The following LOXL1 variants were observed in gnomAD, a reference collection of about 807,000 sequenced individuals.
The protein encoded by LOXL1 is lysyl oxidase homolog 1.
Under a neutral mutation model 62.2 loss-of-function variants are expected in LOXL1, and 31 were observed. That is an observed-to-expected ratio of 0.50 (90% CI 0.37 to 0.67). LOXL1 has a LOEUF of 0.67. Among genes scored for constraint, LOXL1 ranks in the 30% least tolerant of loss-of-function variants. The pLI, the probability that LOXL1 is intolerant of heterozygous loss-of-function variation, is 0.00. For synonymous variants in LOXL1, 403 were observed against 384.4 expected, an observed-to-expected ratio of 1.05 and a Z score of -0.56; for missense variants, 775 against 843.4, an observed-to-expected ratio of 0.92 and a Z score of 1.00.
rs759067104 is a variant in LOXL1 at position 73,927,410 on chromosome 15, C to T, written c.627C>T (p.Gly209=). Residue 209 remains glycine, a synonymous_variant, in exon 1 of 7, where the codon GGC becomes GGT. Transcript: ENST00000261921. ...DQGFVYYRPA[G]GGVGAGAAAV... is the part of the protein sequence containing the mutation. ...GTTTCGTGTACTACCGGCCCGCGGGCGGCGGCGTGGGCGCGGGGGCGGCGG... is the reference window on the plus strand; with the variant it reads ...GTTTCGTGTACTACCGGCCCGCGGGTGGCGGCGTGGGCGCGGGGGCGGCGG... 3.1e-5 allele frequency: 47 copies of T among 1,538,456 alleles called. No homozygotes were observed. The highest frequency in any genetic ancestry group is 2.6e-6 in the Non-Finnish European group (3 of 1,144,842).
intron 1 of LOXL1, among the ~76,000 whole-genome samples, chr15:73,931,327 G>C (rs1300275897): frequency 2.0e-5 from 3 of 151,992 alleles, no homozygotes; most frequent in Admixed American, 2.0e-4. Context: ...CCTCCTCCCT[G>C]GTCCCTTGCT....
chr15:73,935,841 G>A (rs1344960559), intron 1 of LOXL1, among the ~76,000 whole-genome samples: 1 of 152,092 alleles, frequency 6.6e-6, no homozygotes, highest in Non-Finnish European at 1.5e-5. Flanking sequence ...GGTGAGTGCT[G>A]TAAAAGGGTG....
rs909992651 is a variant in LOXL1 at position 73,926,465 on chromosome 15, C to G, written c.-319C>G. 7 of 281,454 alleles carry G rather than the reference C, an allele frequency of 2.5e-5. No homozygotes were observed. The highest frequency in any genetic ancestry group is 4.0e-5 in the Non-Finnish European group (6 of 151,568). 17.4% of individuals were successfully genotyped at this position (281,454 alleles called of 1,614,324 possible). A position where few individuals can be genotyped will look rare whatever the true frequency, so the allele number is the denominator to read the frequency against. On this transcript the variant is annotated 5_prime_UTR_variant, in exon 1 of 7. Transcript: ENST00000261921. ...GCTCCCAGCCTGTTGCTTATTCATT[C>G]AGAGTGGGAAAGCGCCAGCCGAGCG...
intron 1 of LOXL1, among the ~76,000 whole-genome samples, chr15:73,939,894 CG>C (rs2141630259): frequency 6.6e-6 from 1 of 152,216 alleles, no homozygotes; most frequent in East Asian, 1.9e-4. Flanking sequence ...CAGTTTCCTC[CG>C]GTGCTTCCAA....
At chr15:73,936,371 G>A (rs2068672323) in intron 1 of LOXL1, among the ~76,000 whole-genome samples, 1 of 152,142 alleles carries the variant, frequency 6.6e-6, no homozygotes, top group Non-Finnish European at 1.5e-5. Context: ...TAGGGAATCG[G>A]GCAGCCAGCT....
chr15:73,950,649 C>T (rs1296450145), intron 6 of LOXL1, among the ~76,000 whole-genome samples: 2 of 151,406 alleles, frequency 1.3e-5, no homozygotes, highest in Non-Finnish European at 2.9e-5. Context: ...AGAGTCAGGG[C>T]CCAGTGTGTA....
intron 1 of LOXL1, among the ~76,000 whole-genome samples, chr15:73,939,097 T>C (rs1008689124): frequency 6.6e-5 from 10 of 152,174 alleles, no homozygotes; most frequent in African/African-American, 2.4e-4. Context: ...CCTACACTGA[T>C]CGTGTCCACT....
intron 1 of LOXL1, among the ~76,000 whole-genome samples, chr15:73,940,657 C>T (rs2068707565): frequency 6.6e-6 from 1 of 152,084 alleles, no homozygotes; most frequent in African/African-American, 2.4e-5. Context: ...TCAGGGTGTG[C>T]CCAGGGCCAG....
At chr15:73,933,315 C>G (rs1405217900) in intron 1 of LOXL1, among the ~76,000 whole-genome samples, 4 of 152,200 alleles carry the variant, frequency 2.6e-5, no homozygotes, top group Admixed American at 2.6e-4. Context: ...ACTGTCCAAT[C>G]CAGTGGGCCC....
In LOXL1 at chr15:73,927,272, C is replaced by A. The variant is rs751982471; in HGVS notation, c.489C>A (p.Phe163Leu). The change falls in exon 1 of 7, where the codon TTC becomes TTA. Residue 163 changes from phenylalanine (F) to leucine (L), a missense_variant. By Grantham distance (22) the Phe-to-Leu change is conservative (BLOSUM62 0). Coordinates refer to ENST00000261921, the MANE Select transcript of LOXL1 (RefSeq NM_005576.4). ...GSASSVSASA[F>L]ASTYRQQPSY... The stretch of plus-strand genomic sequence containing the variant: ...CCTCCTCGGTCTCGGCTTCGGCCTT[C>A]GCCAGCACCTACCGCCAGCAGCCCT... 4.4e-6 allele frequency: 7 copies of A among 1,602,794 alleles called. No homozygotes were observed. The East Asian group carries it at 1.1e-4, about 26-fold the overall frequency.
intron 3 of LOXL1, 110 bp downstream of exon 3, chr15:73,946,664 G>A: frequency 7.7e-7 from 1 of 1,306,046 alleles, no homozygotes; most frequent in Non-Finnish European, 1.0e-6. Flanking sequence ...ACAGATACTG[G>A]ATTAGAGGGC....
At position 73,947,118 on chromosome 15, in the gene LOXL1, CA is replaced by C. The variant is rs2068753197; in HGVS notation, c.1402del (p.Thr468GlnfsTer37). On this transcript the variant is annotated frameshift_variant, in exon 4 of 7. Coordinates refer to ENST00000261921, the MANE Select transcript of LOXL1 (RefSeq NM_005576.4). LOFTEE classifies it high-confidence loss of function. ...GCCACTACGACCTACTGGATGCAGC[CA>C]CAGGCAAGAAGGTGGCCGAGGGCCA... is the stretch of plus-strand genomic sequence containing the variant. ...FSHYDLLDAATGKKVAEGHKA... is the reference protein window; with the variant it reads ...FSHYDLLDAAXGKKVAEGHKA... The C allele has an allele frequency of 6.2e-7, 1 of 1,613,502 alleles. No individual in the cohort carries two copies. Among genetic ancestry groups the C allele is most frequent in the Non-Finnish European group, 8.5e-7 (1 of 1,179,574 alleles).
intron 1 of LOXL1, among the ~76,000 whole-genome samples, chr15:73,935,934 GGTGTGTGT>G (rs3056338): frequency 8.6e-4 from 113 of 131,934 alleles, no homozygotes; most frequent in Admixed American, 3.4e-3. Flanking sequence ...AGGTAGAGCT[GGTGTGTGT>G]GTGTGTGTGT....
At chr15:73,950,279 C>A (rs1380729297) in intron 6 of LOXL1, among the ~76,000 whole-genome samples, 1 of 113,834 alleles carries the variant, frequency 8.8e-6, no homozygotes. Flanking sequence ...CAGATCGAAG[C>A]AACCCTTTTC....
rs778813179 is a variant in LOXL1 at position 73,947,088 on chromosome 15, G to A, written c.1371G>A (p.Glu457=). ...SCHQHYHSMD[E]FSHYDLLDAA... ...CTAGGCATTACCACAGCATGGACGA[G>A]TTCAGCCACTACGACCTACTGGATG... Residue 457 remains glutamate (E), a synonymous_variant, in exon 4 of 7, where the codon GAG becomes GAA. Transcript: ENST00000261921. 5.0e-6 allele frequency: 8 copies of A among 1,611,096 alleles called. No individual in the cohort carries two copies. The Admixed American group carries it at 6.7e-5, about 13-fold the overall frequency.
At chr15:73,928,285 A>G (rs974213317) in intron 1 of LOXL1, 2 of 173,828 alleles carry the variant, frequency 1.2e-5, no homozygotes, top group Non-Finnish European at 2.4e-5. Context: ...GAGATGTTCT[A>G]TGCCAGCTCA....
At chr15:73,939,635 A>G (rs534612752) in intron 1 of LOXL1, among the ~76,000 whole-genome samples, 1 of 152,338 alleles carries the variant, frequency 6.6e-6, no homozygotes, top group South Asian at 2.1e-4. Context: ...GGAAGGGGCC[A>G]GAGGGTGACA....
chr15:73,947,749 G>C, intron 4 of LOXL1, 58 bp from the exon 5 acceptor site: 1 of 1,223,006 alleles, frequency 8.2e-7, no homozygotes, highest in Non-Finnish European at 1.2e-6. Flanking sequence ...GAAGGTGGGC[G>C]TGGGGTGGCT....
At chr15:73,928,870 A>G (rs1265437239) in intron 1 of LOXL1, among the ~76,000 whole-genome samples, 12 of 60,768 alleles carry the variant, frequency 2.0e-4, no homozygotes, top group African/African-American at 2.5e-4. Context: ...CACCCCGAGG[A>G]AAAAAAAAAA....
Sources: allele counts gnomAD v4.1 joint callset (sites outside exome capture counted in the v4.1 genomes callset), GRCh38; gene constraint gnomAD v4.1.1; transcripts MANE v1.5; gene names NCBI Gene and HGNC (gene_info 2026-07-23, HGNC 2026-07-21).